The following CAP1 variants were observed in gnomAD, a reference collection of about 807,000 sequenced individuals.
The protein encoded by CAP1 is adenylyl cyclase-associated protein 1.
Under a neutral mutation model 58.2 loss-of-function variants are expected in CAP1, and 11 were observed. The observed-to-expected ratio is 0.19, with a 90% CI of 0.12 to 0.31. The LOEUF (loss-of-function observed/expected upper bound fraction) is 0.31, where lower values mean the gene tolerates loss of function less well. Ranked by LOEUF, CAP1 falls within the 10% of genes least tolerant of loss-of-function variation. CAP1 has a pLI of 1.00. For synonymous variants in CAP1, 183 were observed against 213.8 expected (o/e 0.86, Z 1.26); for missense variants, 423 against 587.5 (o/e 0.72, Z 2.89).
intron 1 of CAP1, among the ~76,000 whole-genome samples, chr1:40,048,090 C>T (rs578120220): frequency 6.6e-6 from 1 of 151,432 alleles, no homozygotes; most frequent in African/African-American, 2.4e-5. Context: ...TCTGTCTTGG[C>T]TCACCGTAAC....
At chr1:40,053,733 C>T (rs1445923604) in intron 1 of CAP1, among the ~76,000 whole-genome samples, 2 of 152,204 alleles carry the variant, frequency 1.3e-5, no homozygotes, top group African/African-American at 4.8e-5. Flanking sequence ...AGGCATGAGC[C>T]ACCGTGCCTG....
rs1419708413 is a variant in CAP1, at chr1:40,042,232, C to T, written c.-11+1431C>T. ...TATGAGGCACATTTTAATGAGATAG[C>T]CTTTGTGGCAAAGAATACAGTTCTT... is the stretch of plus-strand genomic sequence containing the variant. On this transcript the variant is annotated intron_variant, in intron 1 of 12. Coordinates refer to ENST00000372805, the MANE Select transcript of CAP1 (RefSeq NM_006367.4). Among the ~76,000 whole-genome samples, 4 of 152,132 alleles carry T rather than the reference C, an allele frequency of 2.6e-5. 1 individual carries two copies. The South Asian group carries it at 6.2e-4, about 24-fold the overall frequency.
At position 40,069,690 on chromosome 1, in the gene CAP1, C is replaced by G. The variant is rs201835889; in HGVS notation, c.809C>G (p.Ala270Gly). Residue 270 changes from alanine to glycine, a missense_variant and splice_region_variant, in exon 9 of 13, where the codon GCC (alanine) becomes GGC (glycine). Ala to Gly is a moderately conservative substitution (Grantham distance 60, BLOSUM62 0). Coordinates refer to ENST00000372805, the MANE Select transcript of CAP1 (RefSeq NM_006367.4). Reference protein sequence around the residue: ...QINQGESITHALKHVSDDMKT... With the variant: ...QINQGESITHGLKHVSDDMKT... Reference sequence around the variant, plus strand: ...AACAAGGTAGCTGTTGTTCTTACAGCCCTGAAACATGTATCTGATGACATG... The same window carrying G: ...AACAAGGTAGCTGTTGTTCTTACAGGCCTGAAACATGTATCTGATGACATG... 1 of 1,612,726 alleles carries G rather than the reference C, an allele frequency of 6.2e-7. No individual in the cohort carries two copies. Among genetic ancestry groups the G allele is most frequent in the Non-Finnish European group, 8.5e-7 (1 of 1,179,366 alleles).
chr1:40,048,883 T>C (rs936590188), intron 1 of CAP1, among the ~76,000 whole-genome samples: 2 of 152,222 alleles, frequency 1.3e-5, no homozygotes, highest in African/African-American at 4.8e-5. Context: ...TGGGCTACCA[T>C]AGTAGACAGG....
Position 40,070,294 on chromosome 1 carries a change from TCGCTGTCCCA to T in CAP1, c.1117+16_1117+25del. 1 of 1,614,130 alleles carries T rather than the reference TCGCTGTCCCA, an allele frequency of 6.2e-7. No individual in the cohort carries two copies. Among genetic ancestry groups the T allele is most frequent in the Non-Finnish European group, 8.5e-7 (1 of 1,179,964 alleles). On this transcript the variant is annotated intron_variant, in intron 10 of 12. Coordinates refer to ENST00000372805, the MANE Select transcript of CAP1 (RefSeq NM_006367.4). ...CTCCATTACAGTAGGTGAGTCTTTG[TCGCTGTCCCA>T]CGCAAGCCCCGTCCCAGAGCCCGAG...
At chr1:40,070,809 A>T (rs752740910) in intron 11 of CAP1, 27 bp from the exon 12 acceptor site, 2 of 1,590,280 alleles carry the variant, frequency 1.3e-6, no homozygotes, top group Admixed American at 3.6e-5. Context: ...AACCACTGGG[A>T]CTCAGTTCTC....
chr1:40,056,045 G>A (rs1406232166), intron 1 of CAP1, among the ~76,000 whole-genome samples: 3 of 152,090 alleles, frequency 2.0e-5, no homozygotes, highest in Admixed American at 2.0e-4. Context: ...AGGAAATTGA[G>A]TCTCAGAAAG....
intron 1 of CAP1, among the ~76,000 whole-genome samples, chr1:40,055,268 G>A (rs760478101): frequency 1.8e-4 from 28 of 152,188 alleles, no homozygotes; most frequent in Non-Finnish European, 3.4e-4. Context: ...AGCAGGACTA[G>A]ATGAGAGAAA....
chr1:40,066,298 C>A lies in CAP1; in HGVS notation c.608C>A (p.Thr203Asn). 1 of 1,604,214 alleles carries A rather than the reference C, an allele frequency of 6.2e-7. No homozygotes were observed. Among genetic ancestry groups the A allele is most frequent in the Non-Finnish European group, 8.5e-7 (1 of 1,171,094 alleles). The change falls in exon 7 of 13, where the codon ACC becomes AAC. Residue 203 changes from threonine to asparagine, a missense_variant. By Grantham distance (65) the Thr-to-Asn change is moderately conservative. Transcript: ENST00000372805. ...LQAYIKEFHT[T>N]GLAWSKTGPV... ...GCTTACATTAAGGAGTTCCATACCA[C>A]CGGACTGGCCTGGAGCAAAACGGTT...
intron 7 of CAP1, 63 bp from the exon 8 acceptor site, chr1:40,067,477 T>C: frequency 7.1e-7 from 1 of 1,403,372 alleles, no homozygotes; most frequent in Non-Finnish European, 9.7e-7. Context: ...TGTAGGGCAC[T>C]ACTGGGAATG....
At chr1:40,053,797 A>G (rs1325226312) in intron 1 of CAP1, among the ~76,000 whole-genome samples, 2 of 152,194 alleles carry the variant, frequency 1.3e-5, no homozygotes, top group African/African-American at 2.4e-5. Flanking sequence ...TCTTCATTCT[A>G]AAAATAGGGA....
Position 40,059,322 on chromosome 1 carries a change from G to C in CAP1, c.-10-15G>C, listed in dbSNP as rs1488699792. The stretch of plus-strand genomic sequence containing the variant: ...AATATTTAAATAACAAATGACATTT[G>C]ATCTGTTTCAGCAGGTGGTCCATTA... On this transcript the variant is annotated splice_polypyrimidine_tract_variant and intron_variant, in intron 1 of 12. Transcript: ENST00000372805. The C allele has an allele frequency of 7.4e-7, 1 of 1,354,752 alleles. No homozygotes were observed. The highest frequency in any genetic ancestry group is 1.4e-5 in the African/African-American group (1 of 69,834). The allele number at this position is 1,354,752 out of a possible 1,614,324, so 83.9% of individuals were successfully genotyped here. A position where few individuals can be genotyped will look rare whatever the true frequency, so the allele number is the denominator to read the frequency against.
chr1:40,071,767 G>A lies in CAP1; in HGVS notation c.*234G>A, dbSNP rs775060261. The A allele has an allele frequency of 2.7e-5, 15 of 551,250 alleles. No homozygotes were observed. The highest frequency in any genetic ancestry group is 3.9e-5 in the Non-Finnish European group (12 of 310,184). 34.1% of individuals were successfully genotyped at this position (551,250 alleles called of 1,614,324 possible). A position where few individuals can be genotyped will look rare whatever the true frequency, so the allele number is the denominator to read the frequency against. On this transcript the variant is annotated 3_prime_UTR_variant, in exon 13 of 13. Coordinates refer to ENST00000372805, the MANE Select transcript of CAP1 (RefSeq NM_006367.4). Reference sequence around the variant, plus strand: ...AGCTTTTCCATATCAGCTCAACCACGCCGCCAGTCCATTCTTAAGGAACTG... The same window carrying A: ...AGCTTTTCCATATCAGCTCAACCACACCGCCAGTCCATTCTTAAGGAACTG...
In CAP1 at chr1:40,071,485, A is replaced by G. The variant is rs750714374; in HGVS notation, c.1380A>G (p.Leu460=). 5.6e-6 allele frequency: 9 copies of G among 1,613,864 alleles called. No individual in the cohort carries two copies. The highest frequency in any genetic ancestry group is 1.1e-5 in the South Asian group (1 of 91,070). Residue 460 remains leucine, a synonymous_variant, in exon 13 of 13, where the codon CTA becomes CTG. Transcript: ENST00000372805. The part of the protein sequence containing the change: ...EFPVPEQFKT[L]WNGQKLVTTV... ...CAGTTCCTGAGCAGTTCAAGACCCT[A>G]TGGAACGGGCAGAAGTTGGTCACCA...
intron 6 of CAP1, among the ~76,000 whole-genome samples, chr1:40,065,390 T>C (rs1437957595): frequency 6.6e-6 from 1 of 152,222 alleles, no homozygotes. Context: ...AAGTTGCATA[T>C]CTACACAAGC....
intron 1 of CAP1, among the ~76,000 whole-genome samples, chr1:40,055,128 G>A (rs753979493): frequency 7.2e-5 from 11 of 152,176 alleles, no homozygotes; most frequent in Non-Finnish European, 1.3e-4. Context: ...TAAGCAGAGT[G>A]GATAGCATTA....
chr1:40,058,505 T>A (rs928348844), intron 1 of CAP1, among the ~76,000 whole-genome samples: 1 of 152,006 alleles, frequency 6.6e-6, no homozygotes, highest in African/African-American at 2.4e-5. Context: ...GCGGGTGGAT[T>A]ACTTGAGGTC....
At chr1:40,048,493 TAAG>T (rs1228079752) in intron 1 of CAP1, among the ~76,000 whole-genome samples, 3 of 152,224 alleles carry the variant, frequency 2.0e-5, no homozygotes, top group Admixed American at 1.3e-4. Flanking sequence ...AACCTCGTGA[TAAG>T]AATTCATTAG....
Position 40,071,482 on chromosome 1 carries a change from C to T in CAP1, c.1377C>T (p.Thr459=). The T allele has an allele frequency of 6.2e-7, 1 of 1,613,694 alleles. No homozygotes were observed. Among genetic ancestry groups the T allele is most frequent in the Non-Finnish European group, 8.5e-7 (1 of 1,179,656 alleles). ...TCCCAGTTCCTGAGCAGTTCAAGAC[C>T]CTATGGAACGGGCAGAAGTTGGTCA... ...NEFPVPEQFK[T]LWNGQKLVTT... is the part of the protein sequence containing the mutation. Residue 459 remains threonine (T), a synonymous_variant, in exon 13 of 13, where the codon ACC becomes ACT. Coordinates refer to ENST00000372805, the MANE Select transcript of CAP1 (RefSeq NM_006367.4).
Sources: gnomAD v4.1 joint callset for allele counts (sites outside exome capture counted in the v4.1 genomes callset) on GRCh38, gnomAD v4.1.1 for gene constraint, MANE v1.5 for transcripts, NCBI Gene and HGNC (gene_info 2026-07-23, HGNC 2026-07-21) for gene names.